CSMD1: variants seen among roughly 807,000 people sequenced by gnomAD.
The protein encoded by CSMD1 is CUB and Sushi multiple domains 1, also known as CUB and sushi domain-containing protein 1.
A neutral mutation model predicts 417.5 loss-of-function variants in CSMD1; 213 were observed. That is an observed-to-expected ratio of 0.51 (90% CI 0.46 to 0.57). CSMD1 has a LOEUF of 0.57. CSMD1 is among the 20% of genes least tolerant of loss of function. The pLI, the probability that CSMD1 is intolerant of heterozygous loss-of-function variation, is 0.00. For missense variants in CSMD1, 6,923 were observed against 4,529.7 expected (o/e 1.53, Z -15.17); for synonymous variants, 2,862 against 1,736.8 (o/e 1.65, Z -16.11).
At chr8:4,075,299 G>T (rs1464561772) in intron 3 of CSMD1, among the ~76,000 whole-genome samples, 2 of 152,050 alleles carry the variant, frequency 1.3e-5, no homozygotes, top group African/African-American at 4.8e-5. Context: ...ATATGTTTAT[G>T]TAAATAAAAA....
chr8:4,901,591 G>A (rs571006547), intron 1 of CSMD1, among the ~76,000 whole-genome samples: 18 of 152,094 alleles, frequency 1.2e-4, no homozygotes, highest in Non-Finnish European at 1.6e-4. Flanking sequence ...TTACGTTTCC[G>A]GACACTTCTA....
rs143281374 is a variant in CSMD1, at chr8:4,525,829, G to C, written c.303-105764C>G. Among the ~76,000 whole-genome samples the C allele has an allele frequency of 5.7e-3, 860 of 152,206 alleles. 11 individuals carry two copies. Among genetic ancestry groups the C allele is most frequent in the African/African-American group, 0.02 (823 of 41,550 alleles). ...TATCTAGAAGCAGCAGGCTTCCCAG[G>C]AGGCCCTCTTGACATGTGTCCACAG... On this transcript the variant is annotated intron_variant, in intron 2 of 69. Transcript: ENST00000635120.
rs1038032157 is a variant in CSMD1 at position 4,515,344 on chromosome 8, C to T, written c.303-95279G>A. 2.6e-5 allele frequency among the ~76,000 whole-genome samples: 4 copies of T among 152,084 alleles called. No individual in the cohort carries two copies. The East Asian group carries it at 5.8e-4, about 22-fold the overall frequency. On this transcript the variant is annotated intron_variant, in intron 2 of 69. Coordinates refer to ENST00000635120, the MANE Select transcript of CSMD1 (RefSeq NM_033225.6). The stretch of plus-strand genomic sequence containing the variant: ...TAAATAAACAATAGTTATGGCCTCG[C>T]TTGATAGGTGCCATGACATAGTGGA...
intron 2 of CSMD1, among the ~76,000 whole-genome samples, chr8:4,528,387 C>T (rs1329596106): frequency 6.6e-6 from 1 of 152,046 alleles, no homozygotes; most frequent in African/African-American, 2.4e-5. Context: ...CTCAATCATG[C>T]CAGAAGGTAA....
At chr8:4,799,529 G>A (rs1486648822) in intron 1 of CSMD1, among the ~76,000 whole-genome samples, 1 of 147,828 alleles carries the variant, frequency 6.8e-6, no homozygotes, top group Admixed American at 6.8e-5. Context: ...AACCCAGGAG[G>A]CGGAGGTTGC....
chr8:4,218,785 T>C (rs1800844989), intron 3 of CSMD1, among the ~76,000 whole-genome samples: 1 of 152,224 alleles, frequency 6.6e-6, no homozygotes, highest in Non-Finnish European at 1.5e-5. Flanking sequence ...TGTAACAATA[T>C]ACAGACTTAA....
chr8:4,412,289 T>C (rs1448098778), intron 3 of CSMD1, among the ~76,000 whole-genome samples: 1 of 152,080 alleles, frequency 6.6e-6, no homozygotes, highest in Non-Finnish European at 1.5e-5. Context: ...TTTACCACCA[T>C]CCTCTCGGTT....
intron 3 of CSMD1, among the ~76,000 whole-genome samples, chr8:4,269,761 A>T (rs185493295): frequency 1.2e-3 from 190 of 152,344 alleles, no homozygotes; most frequent in Non-Finnish European, 1.6e-3. Context: ...GCAAAATTAC[A>T]TCTTCATAAA....
At chr8:4,949,826 G>A (rs966315777) in intron 1 of CSMD1, among the ~76,000 whole-genome samples, 4 of 152,088 alleles carry the variant, frequency 2.6e-5, no homozygotes, top group East Asian at 1.9e-4. Flanking sequence ...ATATCTGAAG[G>A]ACAGGATATA....
At chr8:4,635,798 T>C (rs1171862030) in intron 2 of CSMD1, among the ~76,000 whole-genome samples, 1 of 152,098 alleles carries the variant, frequency 6.6e-6, no homozygotes, top group Non-Finnish European at 1.5e-5. Context: ...TATATGTAGA[T>C]ACTTTGTTCA....
chr8:4,350,482 C>T (rs576688226), intron 3 of CSMD1, among the ~76,000 whole-genome samples: 1 of 152,170 alleles, frequency 6.6e-6, no homozygotes, highest in Admixed American at 6.5e-5. Flanking sequence ...CTACAAACCA[C>T]ACATAAAGGT....
At chr8:4,806,131 T>A (rs923322219) in intron 1 of CSMD1, among the ~76,000 whole-genome samples, 10 of 152,132 alleles carry the variant, frequency 6.6e-5, no homozygotes, top group Non-Finnish European at 1.5e-4. Context: ...ATTACCTAAC[T>A]TTCAAAAGTC....
chr8:3,559,634 A>G lies in CSMD1; in HGVS notation c.1344+15311T>C, dbSNP rs182503304. ...AATTACAATCACTGATTATCTTGAGATTAAAGCATTTCAAGGTCTTCACTT... is the reference window on the plus strand; with the variant it reads ...AATTACAATCACTGATTATCTTGAGGTTAAAGCATTTCAAGGTCTTCACTT... On this transcript the variant is annotated intron_variant, in intron 10 of 69. Transcript: ENST00000635120. Among the ~76,000 whole-genome samples, 6 of 152,318 alleles carry G rather than the reference A, an allele frequency of 3.9e-5. No homozygotes were observed. In the South Asian group the frequency reaches 6.2e-4, roughly 16 times the overall value.
At chr8:4,319,920 G>T (rs1335905730) in intron 3 of CSMD1, among the ~76,000 whole-genome samples, 4 of 152,230 alleles carry the variant, frequency 2.6e-5, no homozygotes, top group South Asian at 2.1e-4. Context: ...AAAGCAGTAG[G>T]GAGTCATCTT....
At chr8:3,465,290 C>T (rs534734300) in intron 12 of CSMD1, among the ~76,000 whole-genome samples, 1 of 152,196 alleles carries the variant, frequency 6.6e-6, no homozygotes, top group Non-Finnish European at 1.5e-5. Context: ...TAAAAGGGTC[C>T]ATTAACTGAG....
rs563982161 is a variant in CSMD1, at chr8:4,500,328, C to T, written c.303-80263G>A. On this transcript the variant is annotated intron_variant, in intron 2 of 69. Coordinates refer to ENST00000635120, the MANE Select transcript of CSMD1 (RefSeq NM_033225.6). ...GGTTACCAGGGATATTCTGTAACCA[C>T]CACACAGTAGAATCACTAAACATAT... Among the ~76,000 whole-genome samples the T allele has an allele frequency of 9.9e-5, 15 of 152,216 alleles. 1 individual carries two copies. The South Asian group carries it at 3.1e-3, about 32-fold the overall frequency.
intron 6 of CSMD1, among the ~76,000 whole-genome samples, chr8:3,745,697 G>A (rs1002575502): frequency 3.9e-5 from 6 of 152,224 alleles, no homozygotes; most frequent in Admixed American, 3.3e-4. Flanking sequence ...CTGGAGTAAG[G>A]ACGTTAACCT....
At chr8:3,686,882 G>T (rs1799969514) in intron 7 of CSMD1, among the ~76,000 whole-genome samples, 2 of 152,114 alleles carry the variant, frequency 1.3e-5, no homozygotes, top group Admixed American at 6.5e-5. Context: ...TCTTTCTTAT[G>T]TCGATTTCAT....
At chr8:3,047,490 G>C (rs551426297) in intron 50 of CSMD1, among the ~76,000 whole-genome samples, 2 of 152,252 alleles carry the variant, frequency 1.3e-5, no homozygotes, top group East Asian at 3.9e-4. Context: ...ACACGCTCCA[G>C]GACGCTCAGT....
Sources: gnomAD v4.1 joint callset for allele counts (sites outside exome capture counted in the v4.1 genomes callset) on GRCh38, gnomAD v4.1.1 for gene constraint, MANE v1.5 for transcripts, NCBI Gene and HGNC (gene_info 2026-07-23, HGNC 2026-07-21) for gene names.